Variants in CNTN1 observed in about 807,000 individuals in gnomAD.
CNTN1 encodes the protein contactin-1.
In CNTN1, 38 loss-of-function variants were observed where a neutral mutation model predicts 126.4. That is an observed-to-expected ratio of 0.30 (90% confidence interval 0.23 to 0.39). The LOEUF is 0.39. CNTN1 is among the 10% of genes least tolerant of loss of function. The pLI, the probability that CNTN1 is intolerant of heterozygous loss-of-function variation, is 1.00. For missense variants in CNTN1, 1,009 were observed against 1,248.4 expected, an observed-to-expected ratio of 0.81 and a Z score of 2.89; for synonymous variants, 413 against 422.6, an observed-to-expected ratio of 0.98 and a Z score of 0.28.
At chr12:40,971,917 A>G in intron 15 of CNTN1, 1 of 1,040,394 alleles carries the variant, frequency 9.6e-7, no homozygotes, top group Non-Finnish European at 1.2e-6. Flanking sequence ...CAGGTAATGA[A>G]CAATGTTGTC....
chr12:40,970,278 ACT>A (rs1947459660), intron 15 of CNTN1, among the ~76,000 whole-genome samples: 1 of 152,044 alleles, frequency 6.6e-6, no homozygotes. Flanking sequence ...AGATAAGCAA[ACT>A]CTGGTAAAAT....
Position 40,872,212 on chromosome 12 carries a change from TTGTGTGTGTGTG to T in CNTN1, c.-76-36107_-76-36096del, listed in dbSNP as rs61187240. ...CGGTAGGGTTTTTCCGTTGCTTTGT[TTGTGTGTGTGTG>T]TGTGTGTGTGTGTGTGTGTGTGTGT... On this transcript the variant is annotated intron_variant, in intron 1 of 23. Transcript: ENST00000551295. Among the ~76,000 whole-genome samples the T allele has an allele frequency of 3.7e-3, 416 of 113,598 alleles. 2 individuals carry two copies. Among genetic ancestry groups the T allele is most frequent in the East Asian group, 0.026 (111 of 4,232 alleles). 74.5% of individuals were successfully genotyped at this position (113,598 alleles called of 152,430 possible). A position where few individuals can be genotyped will look rare whatever the true frequency, so the allele number is the denominator to read the frequency against.
At chr12:40,864,327 T>G (rs1943226214) in intron 1 of CNTN1, among the ~76,000 whole-genome samples, 1 of 152,042 alleles carries the variant, frequency 6.6e-6, no homozygotes, top group African/African-American at 2.4e-5. Context: ...GACCTATTTT[T>G]CTTTTTCTTT....
At chr12:40,962,900 T>C (rs1947155793) in intron 15 of CNTN1, among the ~76,000 whole-genome samples, 1 of 152,150 alleles carries the variant, frequency 6.6e-6, no homozygotes, top group Non-Finnish European at 1.5e-5. Context: ...ACATTTCTGT[T>C]AGTCTTTCTA....
chr12:40,853,688 A>G (rs1418518793), intron 1 of CNTN1, among the ~76,000 whole-genome samples: 2 of 151,914 alleles, frequency 1.3e-5, no homozygotes, highest in African/African-American at 4.8e-5. Flanking sequence ...TATAGACTGT[A>G]GTCTATTGGG....
rs201217512 is a variant in CNTN1, at chr12:40,781,108, C to T, written c.-77+88516C>T. ...AGATGTGAAACAAATATAAGACCCT[C>T]GAAATGTAAGTGACCAGCAAAGAGA... On this transcript the variant is annotated intron_variant, in intron 1 of 23. Coordinates refer to ENST00000551295, the MANE Select transcript of CNTN1 (RefSeq NM_001843.4). Among the ~76,000 whole-genome samples the T allele has an allele frequency of 5.5e-4, 84 of 151,836 alleles. 1 individual carries two copies. In the South Asian group the frequency reaches 0.015, roughly 28 times the overall value.
At chr12:40,998,812 T>C (rs1948283569) in intron 17 of CNTN1, among the ~76,000 whole-genome samples, 1 of 152,080 alleles carries the variant, frequency 6.6e-6, no homozygotes, top group African/African-American at 2.4e-5. Context: ...ACTAAAAAAA[T>C]TGTATTAAAT....
chr12:40,769,955 G>A (rs1939268854), intron 1 of CNTN1, among the ~76,000 whole-genome samples: 1 of 152,110 alleles, frequency 6.6e-6, no homozygotes, highest in Non-Finnish European at 1.5e-5. Context: ...GAGAGGAGAA[G>A]ACCTAAGGGC....
intron 23 of CNTN1, among the ~76,000 whole-genome samples, chr12:41,053,467 A>G (rs1345343230): frequency 8.1e-6 from 1 of 124,006 alleles, no homozygotes; most frequent in Non-Finnish European, 1.7e-5. Context: ...ATATATATAT[A>G]TTTGCCAATA....
chr12:41,003,372 G>A (rs764948201), intron 17 of CNTN1, among the ~76,000 whole-genome samples: 8 of 151,896 alleles, frequency 5.3e-5, no homozygotes, highest in East Asian at 3.9e-4. Flanking sequence ...GGATTTTTTC[G>A]TTGATGTTCA....
intron 1 of CNTN1, among the ~76,000 whole-genome samples, chr12:40,711,259 TTA>T (rs1278717473): frequency 1.3e-5 from 2 of 152,176 alleles, no homozygotes; most frequent in Non-Finnish European, 2.9e-5. Flanking sequence ...AACTTTTGGG[TTA>T]TGTTTCTCTA....
intron 23 of CNTN1, among the ~76,000 whole-genome samples, chr12:41,042,556 C>G (rs1949440706): frequency 6.6e-6 from 1 of 152,042 alleles, no homozygotes; most frequent in Non-Finnish European, 1.5e-5. Flanking sequence ...GAGTCTAAGT[C>G]TCTTTGTAGG....
At chr12:41,011,041 C>T (rs1948639561) in intron 17 of CNTN1, among the ~76,000 whole-genome samples, 1 of 152,156 alleles carries the variant, frequency 6.6e-6, no homozygotes, top group Non-Finnish European at 1.5e-5. Context: ...TAGGATTTGG[C>T]TTAAGAGCAG....
At chr12:40,900,267 A>G (rs1460738357) in intron 1 of CNTN1, among the ~76,000 whole-genome samples, 3 of 152,342 alleles carry the variant, frequency 2.0e-5, no homozygotes, top group Non-Finnish European at 2.9e-5. Flanking sequence ...GTGAAACTTT[A>G]TTTGTGATAT....
intron 1 of CNTN1, among the ~76,000 whole-genome samples, chr12:40,849,977 C>A (rs1942659343): frequency 6.6e-6 from 1 of 150,568 alleles, no homozygotes; most frequent in Admixed American, 6.6e-5. Flanking sequence ...TTAGTGAGAT[C>A]TATATATATA....
intron 1 of CNTN1, among the ~76,000 whole-genome samples, chr12:40,696,741 CTATT>C (rs1183918051): frequency 9.2e-5 from 14 of 152,092 alleles, no homozygotes; most frequent in African/African-American, 2.7e-4. Flanking sequence ...AAAAGTCTAT[CTATT>C]TAATATTCAA....
At chr12:40,787,871 T>C (rs1022833215) in intron 1 of CNTN1, among the ~76,000 whole-genome samples, 9 of 152,162 alleles carry the variant, frequency 5.9e-5, no homozygotes, top group Non-Finnish European at 8.8e-5. Flanking sequence ...GCTGGATGTA[T>C]AATTTTATCT....
chr12:40,895,916 C>T (rs1049564284), intron 1 of CNTN1: 2 of 136,858 alleles, frequency 1.5e-5, no homozygotes, highest in Admixed American at 7.3e-5. Context: ...TGCCACCATG[C>T]CCAGCTAATT....
intron 14 of CNTN1, among the ~76,000 whole-genome samples, chr12:40,958,858 A>T (rs1159859500): frequency 6.6e-6 from 1 of 152,054 alleles, no homozygotes; most frequent in African/African-American, 2.4e-5. Context: ...GTTTCTCTCG[A>T]TATAACCCTC....
Sources: allele counts gnomAD v4.1 joint callset (sites outside exome capture counted in the v4.1 genomes callset), GRCh38; gene constraint gnomAD v4.1.1; transcripts MANE v1.5; gene names NCBI Gene and HGNC (gene_info 2026-07-23, HGNC 2026-07-21).